Variants in GSK3B observed in about 807,000 individuals in gnomAD.
GSK3B encodes glycogen synthase kinase-3 beta.
GSK3B carries 15 observed loss-of-function variants against 56.4 expected under a neutral mutation model. The observed-to-expected ratio is 0.27, with a 90% CI of 0.18 to 0.41. The LOEUF (loss-of-function observed/expected upper bound fraction) is 0.41, where lower values mean the gene tolerates loss of function less well. Among genes scored for constraint, GSK3B ranks in the 10% least tolerant of loss-of-function variants. The probability of loss-of-function intolerance (pLI) is 1.00; values close to 1 mark genes in which losing one functional copy is unlikely to be tolerated. For missense variants in GSK3B, 300 were observed against 513.4 expected (o/e 0.58, Z 4.02); for synonymous variants, 181 against 188.9 (o/e 0.96, Z 0.34).
At chr3:120,003,775 G>A (rs1264397364) in intron 1 of GSK3B, among the ~76,000 whole-genome samples, 2 of 152,194 alleles carry the variant, frequency 1.3e-5, no homozygotes, top group South Asian at 2.1e-4. Context: ...ATTCATGGTC[G>A]CTTCCAAGAT....
At chr3:120,073,366 A>G (rs2058343590) in intron 1 of GSK3B, among the ~76,000 whole-genome samples, 1 of 152,084 alleles carries the variant, frequency 6.6e-6, no homozygotes, top group Admixed American at 6.6e-5. Flanking sequence ...CAGCCTGGGC[A>G]AGAGAGCAAG....
intron 10 of GSK3B, among the ~76,000 whole-genome samples, chr3:119,839,872 G>A (rs1004784874): frequency 4.6e-5 from 7 of 152,074 alleles, no homozygotes; most frequent in South Asian, 2.1e-4. Flanking sequence ...TAATTAATTC[G>A]CCCCAGGGTA....
At chr3:119,918,814 A>C (rs1485546928) in intron 4 of GSK3B, among the ~76,000 whole-genome samples, 1 of 152,214 alleles carries the variant, frequency 6.6e-6, no homozygotes, top group Non-Finnish European at 1.5e-5. Context: ...ACAGGACAAA[A>C]TATCACAGAA....
At chr3:119,846,230 T>C (rs1302102969) in intron 9 of GSK3B, among the ~76,000 whole-genome samples, 6 of 152,304 alleles carry the variant, frequency 3.9e-5, no homozygotes, top group African/African-American at 1.4e-4. Flanking sequence ...ATTCAGGATA[T>C]AGGCATGGGC....
rs774086613 is a variant in GSK3B at position 119,933,381 on chromosome 3, G to GC, written c.367-9899dup. Among the ~76,000 whole-genome samples the GC allele has an allele frequency of 5.7e-4, 87 of 152,114 alleles. No individual in the cohort carries two copies. In the East Asian group the frequency reaches 7.1e-3, roughly 12 times the overall value. On this transcript the variant is annotated intron_variant, in intron 3 of 10. Coordinates refer to ENST00000264235, the MANE Select transcript of GSK3B (RefSeq NM_001146156.2). ...ATTAATTCAGAAGTGAAGACATAGA[G>GC]CCCCCCCAAATAGACTCAGCAATGA...
chr3:120,073,835 A>AATTATAAATAAATTAAATAAG (rs2058347202), intron 1 of GSK3B, among the ~76,000 whole-genome samples: 1 of 152,218 alleles, frequency 6.6e-6, no homozygotes, highest in African/African-American at 2.4e-5. Flanking sequence ...TAAATAAGAT[A>AATTATAAATAAATTAAATAAG]CAAACAAGTT....
At chr3:120,073,188 C>T (rs1220371789) in intron 1 of GSK3B, among the ~76,000 whole-genome samples, 10 of 116,038 alleles carry the variant, frequency 8.6e-5, no homozygotes, top group Non-Finnish European at 3.4e-5. Flanking sequence ...GCCTGGACAA[C>T]ATAGGGAGAC....
chr3:120,033,690 G>A (rs185241559), intron 1 of GSK3B, among the ~76,000 whole-genome samples: 2 of 152,192 alleles, frequency 1.3e-5, no homozygotes, highest in African/African-American at 4.8e-5. Flanking sequence ...AATGAATCAT[G>A]GGGACAGACT....
At chr3:119,864,298 A>G (rs1409240904) in intron 8 of GSK3B, among the ~76,000 whole-genome samples, 1 of 152,230 alleles carries the variant, frequency 6.6e-6, no homozygotes, top group African/African-American at 2.4e-5. Context: ...ACAAAGAAAA[A>G]GTCAACTGAA....
intron 2 of GSK3B, among the ~76,000 whole-genome samples, chr3:119,965,636 C>G (rs1198089737): frequency 6.6e-6 from 1 of 152,136 alleles, no homozygotes; most frequent in African/African-American, 2.4e-5. Context: ...GGTCCAAATT[C>G]ATCGAAAACA....
At chr3:119,957,173 T>C (rs1299135153) in intron 2 of GSK3B, among the ~76,000 whole-genome samples, 2 of 152,206 alleles carry the variant, frequency 1.3e-5, no homozygotes, top group African/African-American at 4.8e-5. Context: ...TGGAAATTTA[T>C]GATATTTTCC....
chr3:119,920,975 CTA>C, intron 4 of GSK3B, among the ~76,000 whole-genome samples: 1 of 152,176 alleles, frequency 6.6e-6, no homozygotes, highest in Non-Finnish European at 1.5e-5. Context: ...ACTGTGGTCT[CTA>C]AATACCACCT....
In GSK3B at chr3:120,094,075, C is replaced by A. The variant is rs891048783; in HGVS notation, c.-641G>T. The A allele has an allele frequency of 2.6e-5, 6 of 226,432 alleles. No individual in the cohort carries two copies. The highest frequency in any genetic ancestry group is 2.7e-4 in the South Asian group (2 of 7,452). 14.0% of individuals were successfully genotyped at this position (226,432 alleles called of 1,614,324 possible). ...GTGGCGGCGGCTCCTCTCCTCATTG[C>A]GCCAGGAGCAGCTGCAGGCGGCGGC... On this transcript the variant is annotated 5_prime_UTR_variant, in exon 1 of 11. Coordinates refer to ENST00000264235, the MANE Select transcript of GSK3B (RefSeq NM_001146156.2).
At chr3:120,005,406 A>G (rs2057718136) in intron 1 of GSK3B, among the ~76,000 whole-genome samples, 1 of 152,190 alleles carries the variant, frequency 6.6e-6, no homozygotes, top group Non-Finnish European at 1.5e-5. Flanking sequence ...GCCAACATTC[A>G]AATTCAGGAA....
intron 1 of GSK3B, among the ~76,000 whole-genome samples, chr3:120,020,231 A>T (rs2057864458): frequency 6.6e-6 from 1 of 152,174 alleles, no homozygotes; most frequent in Non-Finnish European, 1.5e-5. Flanking sequence ...GACACCATAC[A>T]TTTTCAAATA....
At chr3:119,885,877 T>C (rs1003364129) in intron 7 of GSK3B, among the ~76,000 whole-genome samples, 1 of 152,048 alleles carries the variant, frequency 6.6e-6, no homozygotes, top group Non-Finnish European at 1.5e-5. Context: ...CCCCTATCTT[T>C]CACCATATAC....
intron 1 of GSK3B, among the ~76,000 whole-genome samples, chr3:120,077,086 G>A (rs1051478237): frequency 2.0e-5 from 3 of 152,164 alleles, no homozygotes; most frequent in Admixed American, 1.3e-4. Context: ...ATGCAGATTA[G>A]TGCAGCCACT....
At chr3:120,045,277 T>A (rs2058093563) in intron 1 of GSK3B, among the ~76,000 whole-genome samples, 1 of 152,220 alleles carries the variant, frequency 6.6e-6, no homozygotes, top group East Asian at 1.9e-4. Flanking sequence ...AGGTTCAGCC[T>A]GTTAACTTCC....
At chr3:119,948,407 A>G (rs537347158) in intron 2 of GSK3B, among the ~76,000 whole-genome samples, 18 of 152,336 alleles carry the variant, frequency 1.2e-4, no homozygotes, top group African/African-American at 3.6e-4. Context: ...TGTTCCTTTA[A>G]ACTGACCTTT....
Sources: allele counts gnomAD v4.1 joint callset (sites outside exome capture counted in the v4.1 genomes callset), GRCh38; gene constraint gnomAD v4.1.1; transcripts MANE v1.5; gene names NCBI Gene and HGNC (gene_info 2026-07-23, HGNC 2026-07-21).